The following VAPA variants were observed in gnomAD, a reference collection of about 807,000 sequenced individuals.
The protein encoded by VAPA is VAMP associated protein A.
VAPA carries 6 observed loss-of-function variants against 25.6 expected under a neutral mutation model. The ratio of observed to expected loss-of-function variants is 0.23; its 90% CI spans 0.13 to 0.46. The LOEUF (loss-of-function observed/expected upper bound fraction) is 0.46, where lower values mean the gene tolerates loss of function less well. Ranked by LOEUF, VAPA falls within the 20% of genes least tolerant of loss-of-function variation. The probability of loss-of-function intolerance (pLI) is 0.99; values close to 1 mark genes in which losing one functional copy is unlikely to be tolerated. For synonymous variants in VAPA, 112 were observed against 106.2 expected (o/e 1.05, Z -0.34); for missense variants, 244 against 302.1 (o/e 0.81, Z 1.43).
At chr18:9,942,162 G>A (rs2069372401) in intron 4 of VAPA, among the ~76,000 whole-genome samples, 1 of 151,992 alleles carries the variant, frequency 6.6e-6, no homozygotes, top group Non-Finnish European at 1.5e-5. Context: ...AAGTTCATAG[G>A]GGTTCCTTAC....
At chr18:9,924,241 T>A (rs1228207911) in intron 1 of VAPA, among the ~76,000 whole-genome samples, 1 of 152,192 alleles carries the variant, frequency 6.6e-6, no homozygotes, top group African/African-American at 2.4e-5. Context: ...TTCTATTTCT[T>A]TACATCCTAC....
chr18:9,928,109 A>G (rs953128651), intron 1 of VAPA, among the ~76,000 whole-genome samples: 3 of 152,092 alleles, frequency 2.0e-5, no homozygotes, highest in Non-Finnish European at 4.4e-5. Flanking sequence ...TTGTTTCCTA[A>G]ATGTTAAACT....
At chr18:9,919,860 A>G (rs2069142005) in intron 1 of VAPA, among the ~76,000 whole-genome samples, 2 of 152,210 alleles carry the variant, frequency 1.3e-5, no homozygotes, top group South Asian at 4.1e-4. Flanking sequence ...GCAATGTAAA[A>G]TTATACTAGA....
At chr18:9,939,261 TC>T (rs1434257681) in intron 4 of VAPA, among the ~76,000 whole-genome samples, 1 of 150,628 alleles carries the variant, frequency 6.6e-6, no homozygotes, top group Non-Finnish European at 1.5e-5. Flanking sequence ...AACCTCTGCC[TC>T]CCGGGTTCAA....
rs187267371 is a variant in VAPA, at chr18:9,915,306, G to A, written c.79+971G>A. On this transcript the variant is annotated intron_variant, in intron 1 of 5. Transcript: ENST00000400000. ...GTCACCCAGCTCTGGAACTTTGTAG[G>A]TTTTTGTAGTACTGCCTGTGATAAG... 4.3e-4 allele frequency among the ~76,000 whole-genome samples: 66 copies of A among 152,346 alleles called. 1 individual carries two copies. Among genetic ancestry groups the A allele is most frequent in the African/African-American group, 1.5e-3 (63 of 41,584 alleles).
intron 1 of VAPA, among the ~76,000 whole-genome samples, chr18:9,925,659 A>C (rs1242348463): frequency 6.6e-6 from 1 of 152,120 alleles, no homozygotes; most frequent in Non-Finnish European, 1.5e-5. Flanking sequence ...AAAAACATAC[A>C]GTAAGGGTAA....
At chr18:9,936,478 A>G (rs945853993) in intron 3 of VAPA, 5 of 252,634 alleles carry the variant, frequency 2.0e-5, no homozygotes, top group Admixed American at 5.5e-5. Flanking sequence ...TGGGAGGCCA[A>G]GATGGGAGTA....
At chr18:9,950,365 TAAA>T (rs1448782822) in intron 4 of VAPA, 27 bp from the exon 5 acceptor site, 1 of 1,598,512 alleles carries the variant, frequency 6.3e-7, no homozygotes, top group Non-Finnish European at 8.5e-7. Context: ...TTTGGTTAGT[TAAA>T]AAATTCCCAA....
At chr18:9,943,594 T>C (rs2069387729) in intron 4 of VAPA, among the ~76,000 whole-genome samples, 1 of 152,138 alleles carries the variant, frequency 6.6e-6, no homozygotes, top group South Asian at 2.1e-4. Flanking sequence ...CAAAATAGGG[T>C]TCTTTGAATT....
intron 4 of VAPA, among the ~76,000 whole-genome samples, chr18:9,938,295 C>G (rs2069331614): frequency 6.6e-6 from 1 of 152,190 alleles, no homozygotes; most frequent in African/African-American, 2.4e-5. Flanking sequence ...CTACTGTGCT[C>G]TGGATAGCAC....
At chr18:9,943,841 C>CTTTTTTTTTTTTTTTTTTTTTTT (rs71169911) in intron 4 of VAPA, among the ~76,000 whole-genome samples, 1 of 51,770 alleles carries the variant, frequency 1.9e-5, no homozygotes, top group African/African-American at 6.4e-5. Context: ...ACATATTTCC[C>CTTTTTTTTTTTTTTTTTTTTTTT]TTTTTTTTTT....
At position 9,950,547 on chromosome 18, in the gene VAPA, A is replaced by G. The variant is rs1028551643; in HGVS notation, c.570A>G (p.Ser190=). 5 of 1,612,582 alleles carry G rather than the reference A, an allele frequency of 3.1e-6. No individual in the cohort carries two copies. In the African/African-American group the frequency reaches 6.7e-5, roughly 22 times the overall value. The change falls in exon 5 of 6, where the codon TCA becomes TCG. Residue 190 remains serine, a synonymous_variant. Coordinates refer to ENST00000400000, the MANE Select transcript of VAPA (RefSeq NM_194434.3). ...TTCAGGGAGAAATGATGAAGCTATC[A>G]GAAGAAAATCGGCACCTGAGAGTAA... ...KRLQGEMMKL[S]EENRHLRDEG...
chr18:9,921,319 G>A (rs1599097121), intron 1 of VAPA, among the ~76,000 whole-genome samples: 1 of 152,164 alleles, frequency 6.6e-6, no homozygotes, highest in South Asian at 2.1e-4. Flanking sequence ...GTTGTTTGAT[G>A]TTTGTGTTTT....
chr18:9,942,647 TGAG>T (rs1475971371), intron 4 of VAPA, among the ~76,000 whole-genome samples: 1 of 152,162 alleles, frequency 6.6e-6, no homozygotes, highest in African/African-American at 2.4e-5. Context: ...CTTCTGCTTC[TGAG>T]GAGGCCTCAG....
At chr18:9,920,347 T>C (rs1441137053) in intron 1 of VAPA, among the ~76,000 whole-genome samples, 1 of 152,178 alleles carries the variant, frequency 6.6e-6, no homozygotes, top group Non-Finnish European at 1.5e-5. Context: ...TTGTCACCCA[T>C]GGTGGTGTGC....
rs1421938553 is a variant in VAPA at position 9,956,657 on chromosome 18, T to C, written c.*2446T>C. 6.6e-6 allele frequency: 1 copy of C among 152,664 alleles called. No individual in the cohort carries two copies. The highest frequency in any genetic ancestry group is 6.5e-5 in the Admixed American group (1 of 15,284). The allele number at this position is 152,664 out of a possible 1,614,324, so 9.5% of individuals were successfully genotyped here. On this transcript the variant is annotated 3_prime_UTR_variant, in exon 6 of 6. Coordinates refer to ENST00000400000, the MANE Select transcript of VAPA (RefSeq NM_194434.3). ...ATCAGATTATTTTACTACCAACAGT[T>C]ATAGTTTGAAAGTCCAACTGTATTA...
rs768130457 is a variant in VAPA at position 9,954,015 on chromosome 18, G to T, written c.592-38G>T. 3 of 1,609,772 alleles carry T rather than the reference G, an allele frequency of 1.9e-6. No homozygotes were observed. The South Asian group carries it at 3.3e-5, about 18-fold the overall frequency. On this transcript the variant is annotated intron_variant, in intron 5 of 5. Transcript: ENST00000400000. ...CTCCAGTAGTCTCGTTAGTATGCTTGTTTTTAAAAACCTTTTGTGTGTGTG... is the reference window on the plus strand; with the variant it reads ...CTCCAGTAGTCTCGTTAGTATGCTTTTTTTTAAAAACCTTTTGTGTGTGTG...
At chr18:9,944,912 A>G (rs556887830) in intron 4 of VAPA, 1 of 1,613,338 alleles carries the variant, frequency 6.2e-7, no homozygotes, top group East Asian at 2.2e-5. Context: ...TATGTTTCCC[A>G]TGCCATCTCA....
intron 4 of VAPA, among the ~76,000 whole-genome samples, chr18:9,946,054 G>A (rs1221301175): frequency 6.6e-6 from 1 of 152,058 alleles, no homozygotes; most frequent in Non-Finnish European, 1.5e-5. Context: ...AGGCTTCTTT[G>A]CAAACTTTTT....
Sources: gnomAD v4.1 joint callset for allele counts (sites outside exome capture counted in the v4.1 genomes callset) on GRCh38, gnomAD v4.1.1 for gene constraint, MANE v1.5 for transcripts, NCBI Gene and HGNC (gene_info 2026-07-23, HGNC 2026-07-21) for gene names.